Variants in JAZF1 observed in about 807,000 individuals in gnomAD.
JAZF1 encodes JAZF zinc finger 1, also known as juxtaposed with another zinc finger protein 1.
In JAZF1, 8 loss-of-function variants were observed where a neutral mutation model predicts 26.4. The observed-to-expected ratio is 0.30, with a 90% confidence interval of 0.18 to 0.55. The LOEUF is 0.55. JAZF1 is among the 20% of genes least tolerant of loss of function. The pLI, the probability that JAZF1 is intolerant of heterozygous loss-of-function variation, is 0.94. For missense variants in JAZF1, 199 were observed against 322.0 expected, an observed-to-expected ratio of 0.62 and a Z score of 2.92; for synonymous variants, 126 against 122.3, an observed-to-expected ratio of 1.03 and a Z score of -0.20.
chr7:28,018,237 G>A (rs1348357384), intron 1 of JAZF1, among the ~76,000 whole-genome samples: 1 of 152,200 alleles, frequency 6.6e-6, no homozygotes, highest in African/African-American at 2.4e-5. Flanking sequence ...GTCGGCCAGG[G>A]CACAGGCCTG....
At chr7:28,140,011 AAAG>A (rs1782939687) in intron 1 of JAZF1, among the ~76,000 whole-genome samples, 1 of 152,164 alleles carries the variant, frequency 6.6e-6, no homozygotes, top group African/African-American at 2.4e-5. Context: ...AAGGTTGCAG[AAAG>A]AAGTACTTAC....
intron 1 of JAZF1, among the ~76,000 whole-genome samples, chr7:28,150,916 A>G (rs1053189418): frequency 3.9e-5 from 6 of 152,220 alleles, no homozygotes; most frequent in African/African-American, 1.2e-4. Flanking sequence ...TCGATAGGTA[A>G]CGCCATTAAA....
chr7:28,046,179 C>A (rs1028590335), intron 1 of JAZF1, among the ~76,000 whole-genome samples: 2 of 152,136 alleles, frequency 1.3e-5, no homozygotes, highest in Non-Finnish European at 2.9e-5. Flanking sequence ...GGAATTATTT[C>A]TTTAGTTTCT....
chr7:28,098,005 A>G (rs1467927978), intron 1 of JAZF1, among the ~76,000 whole-genome samples: 1 of 152,156 alleles, frequency 6.6e-6, no homozygotes, highest in Non-Finnish European at 1.5e-5. Context: ...AAAACGGAAC[A>G]TTTTGTCTCT....
chr7:27,897,552 AC>A (rs1784089852), intron 2 of JAZF1, among the ~76,000 whole-genome samples: 1 of 152,204 alleles, frequency 6.6e-6, no homozygotes, highest in Non-Finnish European at 1.5e-5. Context: ...AACACTATCT[AC>A]GTAAGAATGA....
At chr7:27,884,724 G>A (rs921659988) in intron 3 of JAZF1, among the ~76,000 whole-genome samples, 1 of 152,146 alleles carries the variant, frequency 6.6e-6, no homozygotes, top group Admixed American at 6.5e-5. Context: ...TCCACTGTCT[G>A]GATATATCAC....
intron 1 of JAZF1, among the ~76,000 whole-genome samples, chr7:28,018,181 G>A (rs952383451): frequency 6.6e-6 from 1 of 152,232 alleles, no homozygotes; most frequent in Non-Finnish European, 1.5e-5. Context: ...GCCAAGGGCA[G>A]GATGGGGGTG....
At chr7:27,952,644 T>C (rs996530282) in intron 2 of JAZF1, among the ~76,000 whole-genome samples, 4 of 152,200 alleles carry the variant, frequency 2.6e-5, no homozygotes, top group African/African-American at 9.6e-5. Flanking sequence ...TATGAATCAC[T>C]GAGGGAAAAG....
chr7:27,907,161 G>T (rs1784272547), intron 2 of JAZF1, among the ~76,000 whole-genome samples: 1 of 152,212 alleles, frequency 6.6e-6, no homozygotes, highest in Non-Finnish European at 1.5e-5. Context: ...GAGTTAGTTG[G>T]TGTTCAAGCT....
chr7:27,897,218 C>T lies in JAZF1; in HGVS notation c.189-1802G>A, dbSNP rs1302370506. On this transcript the variant is annotated intron_variant, in intron 2 of 4. Transcript: ENST00000283928. ...TGCTTCCAGGAAGGCCGATTGTTCTCGAGGGTTAAGTAATTCAAACTAGTG... is the reference window on the plus strand; with the variant it reads ...TGCTTCCAGGAAGGCCGATTGTTCTTGAGGGTTAAGTAATTCAAACTAGTG... 3.9e-5 allele frequency among the ~76,000 whole-genome samples: 6 copies of T among 152,038 alleles called. No individual in the cohort carries two copies. In the South Asian group the frequency reaches 8.3e-4, roughly 21 times the overall value.
At chr7:28,004,394 G>C (rs1231814258) in intron 1 of JAZF1, among the ~76,000 whole-genome samples, 1 of 149,772 alleles carries the variant, frequency 6.7e-6, no homozygotes, top group African/African-American at 2.5e-5. Flanking sequence ...TTATCACCTG[G>C]GTAACTTAAA....
At chr7:28,090,113 ATACTAACAAGT>A (rs1267111219) in intron 1 of JAZF1, among the ~76,000 whole-genome samples, 1 of 152,256 alleles carries the variant, frequency 6.6e-6, no homozygotes, top group African/African-American at 2.4e-5. Context: ...TCCACTGTAG[ATACTAACAAGT>A]TACTCAACCT....
chr7:28,020,770 C>T, intron 1 of JAZF1: 1 of 460,892 alleles, frequency 2.2e-6, no homozygotes, highest in South Asian at 1.6e-5. Flanking sequence ...CTTGGCTGAG[C>T]ATCTCTTCTC....
intron 1 of JAZF1, among the ~76,000 whole-genome samples, chr7:28,051,172 T>A (rs1304159258): frequency 7.1e-6 from 1 of 141,738 alleles, no homozygotes; most frequent in Non-Finnish European, 1.6e-5. Flanking sequence ...TCTACTACTA[T>A]AACTGTTTTT....
rs528890122 is a variant in JAZF1 at position 27,924,269 on chromosome 7, T to A, written c.189-28853A>T. 2.0e-5 allele frequency among the ~76,000 whole-genome samples: 3 copies of A among 152,180 alleles called. No individual in the cohort carries two copies. The South Asian group carries it at 6.2e-4, about 32-fold the overall frequency. On this transcript the variant is annotated intron_variant, in intron 2 of 4. Coordinates refer to ENST00000283928, the MANE Select transcript of JAZF1 (RefSeq NM_175061.4). Reference sequence around the variant, plus strand: ...ATTTTTGTATTTTTAGTAGAGATGGTGTTTCACCATCTTGGCCAGGCTGCT... The same window carrying A: ...ATTTTTGTATTTTTAGTAGAGATGGAGTTTCACCATCTTGGCCAGGCTGCT...
chr7:27,996,322 T>A (rs1045128984), intron 1 of JAZF1, among the ~76,000 whole-genome samples: 1 of 152,192 alleles, frequency 6.6e-6, no homozygotes, highest in Non-Finnish European at 1.5e-5. Context: ...GGTAGCAGTG[T>A]GGGGAAGATG....
chr7:27,902,958 G>A (rs1263863968), intron 2 of JAZF1, among the ~76,000 whole-genome samples: 3 of 147,818 alleles, frequency 2.0e-5, no homozygotes, highest in Non-Finnish European at 3.0e-5. Context: ...GGAGCCTGCA[G>A]TGAGCCGAGA....
chr7:27,949,517 A>G lies in JAZF1; in HGVS notation c.188+42392T>C, dbSNP rs141429459. On this transcript the variant is annotated intron_variant, in intron 2 of 4. Transcript: ENST00000283928. ...CAAAGTGTGCTCTTGTGGTTATTTA[A>G]AAGTCTGCCTCCGGCCAGGTGGATC... Among the ~76,000 whole-genome samples the G allele has an allele frequency of 1.3e-3, 201 of 152,300 alleles. 1 individual carries two copies. The highest frequency in any genetic ancestry group is 4.5e-3 in the African/African-American group (186 of 41,584).
At chr7:28,079,944 A>AT (rs1784109441) in intron 1 of JAZF1, among the ~76,000 whole-genome samples, 1 of 152,214 alleles carries the variant, frequency 6.6e-6, no homozygotes, top group Admixed American at 6.5e-5. Context: ...AGTCACACTA[A>AT]TTTTTTGATT....
Sources: gnomAD v4.1 joint callset for allele counts (sites outside exome capture counted in the v4.1 genomes callset) on GRCh38, gnomAD v4.1.1 for gene constraint, MANE v1.5 for transcripts, NCBI Gene and HGNC (gene_info 2026-07-23, HGNC 2026-07-21) for gene names.